MEIS1: variants seen among roughly 807,000 people sequenced by gnomAD.
MEIS1 encodes the protein homeobox protein Meis1.
Under a neutral mutation model 50.8 loss-of-function variants are expected in MEIS1, and 5 were observed. That is an observed-to-expected ratio of 0.10 (90% CI 0.05 to 0.21). The LOEUF (loss-of-function observed/expected upper bound fraction) is 0.21, where lower values mean the gene tolerates loss of function less well. Ranked by LOEUF, MEIS1 falls within the 10% of genes least tolerant of loss-of-function variation. The pLI is 1.00. For synonymous variants in MEIS1, 176 were observed against 179.3 expected, an observed-to-expected ratio of 0.98 and a Z score of 0.15; for missense variants, 318 against 517.3, an observed-to-expected ratio of 0.61 and a Z score of 3.74.
At chr2:66,567,432 G>A (rs771215961) in intron 9 of MEIS1, 21 bp from the exon 10 acceptor site, 47 of 1,611,884 alleles carry the variant, frequency 2.9e-5, no homozygotes, top group Non-Finnish European at 3.8e-5. Flanking sequence ...ATAACGATTT[G>A]TTTCACTTTC....
chr2:66,529,278 T>G (rs528246925), intron 8 of MEIS1, among the ~76,000 whole-genome samples: 1 of 152,266 alleles, frequency 6.6e-6, no homozygotes, highest in South Asian at 2.1e-4. Flanking sequence ...AGCTGTACTA[T>G]AGATGCTTGA....
intron 8 of MEIS1, among the ~76,000 whole-genome samples, chr2:66,546,418 G>T (rs1455047954): frequency 1.3e-5 from 2 of 152,226 alleles, no homozygotes; most frequent in Non-Finnish European, 2.9e-5. Flanking sequence ...TAACCAGTCT[G>T]AAGGTTATTT....
At chr2:66,541,606 A>G (rs1674654567) in intron 8 of MEIS1, among the ~76,000 whole-genome samples, 1 of 152,190 alleles carries the variant, frequency 6.6e-6, no homozygotes. Context: ...TGGGCCCCAG[A>G]AAAAACAAAC....
At chr2:66,496,838 G>A (rs1673417215) in intron 7 of MEIS1, among the ~76,000 whole-genome samples, 1 of 152,022 alleles carries the variant, frequency 6.6e-6, no homozygotes, top group South Asian at 2.1e-4. Context: ...TTTGCAATGT[G>A]GCTATTTTTG....
chr2:66,571,063 T>G, intron 12 of MEIS1, 183 bp from the exon 13 acceptor site: 1 of 622,818 alleles, frequency 1.6e-6, no homozygotes, highest in Non-Finnish European at 2.6e-6. Context: ...TGGCAAAATG[T>G]GAGTTTCCAG....
intron 7 of MEIS1, among the ~76,000 whole-genome samples, chr2:66,492,676 C>A (rs1288602423): frequency 6.6e-6 from 1 of 152,196 alleles, no homozygotes; most frequent in African/African-American, 2.4e-5. Context: ...GCAGAGGCCC[C>A]TGAGAAGTCC....
intron 9 of MEIS1, among the ~76,000 whole-genome samples, chr2:66,565,076 T>C (rs1465632644): frequency 6.6e-6 from 1 of 152,122 alleles, no homozygotes; most frequent in Non-Finnish European, 1.5e-5. Flanking sequence ...AGATATCATA[T>C]AGGGGATTCA....
chr2:66,459,532 G>T (rs535046965), intron 6 of MEIS1, among the ~76,000 whole-genome samples: 3 of 152,312 alleles, frequency 2.0e-5, no homozygotes, highest in African/African-American at 7.2e-5. Context: ...ACCTCACAGA[G>T]CGTATGATCT....
intron 7 of MEIS1, among the ~76,000 whole-genome samples, chr2:66,505,035 C>A (rs1337070556): frequency 6.6e-6 from 1 of 152,120 alleles, no homozygotes; most frequent in African/African-American, 2.4e-5. Flanking sequence ...AAACTTGGAT[C>A]ATTACCTATT....
In MEIS1 at chr2:66,487,001, C is replaced by T. The variant is rs568386532; in HGVS notation, c.742+22781C>T. Among the ~76,000 whole-genome samples the T allele has an allele frequency of 3.8e-4, 58 of 152,244 alleles. 1 individual carries two copies. Among genetic ancestry groups the T allele is most frequent in the African/African-American group, 8.7e-4 (36 of 41,548 alleles). On this transcript the variant is annotated intron_variant, in intron 7 of 12. Transcript: ENST00000272369. ...AGCTTAAGGAGTTTTTAGGCTGAGA[C>T]GATGGGGTTTTCTAAATATACAATC...
At chr2:66,559,047 C>T (rs1675145508) in intron 9 of MEIS1, among the ~76,000 whole-genome samples, 1 of 151,790 alleles carries the variant, frequency 6.6e-6, no homozygotes, top group Non-Finnish European at 1.5e-5. Context: ...GAGGCTAAGG[C>T]AGGAGAATCA....
At chr2:66,446,720 G>T (rs1672157526) in intron 6 of MEIS1, among the ~76,000 whole-genome samples, 1 of 152,198 alleles carries the variant, frequency 6.6e-6, no homozygotes, top group Non-Finnish European at 1.5e-5. Flanking sequence ...TTGCAGTTAT[G>T]GAACCAGAGA....
chr2:66,542,249 A>G (rs1453039580), intron 8 of MEIS1, among the ~76,000 whole-genome samples: 1 of 152,226 alleles, frequency 6.6e-6, no homozygotes, highest in Non-Finnish European at 1.5e-5. Flanking sequence ...TTAAAAGAGC[A>G]CAGAGATCTA....
intron 9 of MEIS1, among the ~76,000 whole-genome samples, chr2:66,561,725 C>G (rs1675217005): frequency 6.6e-6 from 1 of 152,186 alleles, no homozygotes; most frequent in Admixed American, 6.5e-5. Context: ...TAGGTACTTG[C>G]AGATGTTGTA....
rs1262513073 is a variant in MEIS1 at position 66,442,933 on chromosome 2, G to A, written c.515G>A (p.Arg172Gln). 4 of 1,587,786 alleles carry A rather than the reference G, an allele frequency of 2.5e-6. No homozygotes were observed. Among genetic ancestry groups the A allele is most frequent in the Non-Finnish European group, 2.6e-6 (3 of 1,171,872 alleles). Residue 172 changes from arginine to glutamine, a missense_variant, in exon 6 of 13, where the codon CGG becomes CAG. By Grantham distance (43) the Arg-to-Gln change is conservative (BLOSUM62 1). Around this residue, in one of 6 missense-constraint regions of MEIS1, gnomAD observed 75 missense variants for 153.7 expected, o/e 0.49. Coordinates refer to ENST00000272369, the MANE Select transcript of MEIS1 (RefSeq NM_002398.3). Reference sequence around the variant, plus strand: ...GAATTATGTGACAATTTCTGCCACCGGTATATTAGCTGTTTGAAAGGGAAA... The same window carrying A: ...GAATTATGTGACAATTTCTGCCACCAGTATATTAGCTGTTTGAAAGGGAAA... ...VHELCDNFCH[R>Q]YISCLKGKMP... is the part of the protein sequence containing the mutation.
At chr2:66,553,325 C>T (rs1171630969) in intron 9 of MEIS1, among the ~76,000 whole-genome samples, 1 of 152,174 alleles carries the variant, frequency 6.6e-6, no homozygotes, top group Non-Finnish European at 1.5e-5. Flanking sequence ...AATGGAAGAA[C>T]TCCCCAGAAT....
intron 5 of MEIS1, chr2:66,441,922 A>T (rs534004231): frequency 1.2e-5 from 2 of 165,096 alleles, no homozygotes; most frequent in Admixed American, 6.5e-5. Flanking sequence ...GAGAGGCAGA[A>T]GGGGAGAAGG....
chr2:66,459,045 G>A (rs995512037), intron 6 of MEIS1, among the ~76,000 whole-genome samples: 1 of 152,206 alleles, frequency 6.6e-6, no homozygotes, highest in Admixed American at 6.5e-5. Flanking sequence ...TCATCACAAA[G>A]CAAAGAGTGA....
intron 8 of MEIS1, among the ~76,000 whole-genome samples, 162 bp downstream of exon 8, chr2:66,512,456 G>T (rs1329074067): frequency 1.3e-5 from 2 of 152,128 alleles, no homozygotes; most frequent in Non-Finnish European, 2.9e-5. Context: ...TTCTTAGATA[G>T]ATACCCCAAA....
Sources: allele counts gnomAD v4.1 joint callset (sites outside exome capture counted in the v4.1 genomes callset), GRCh38; gene constraint gnomAD v4.1.1; regional missense constraint gnomAD v4.1.1; transcripts MANE v1.5; gene names NCBI Gene and HGNC (gene_info 2026-07-23, HGNC 2026-07-21).